The following CHD9 variants were observed in gnomAD, a reference collection of about 807,000 sequenced individuals.
CHD9 encodes ATP-dependent chromatin remodeler CHD9.
In CHD9, 77 loss-of-function variants were observed where a neutral mutation model predicts 316.1. That is an observed-to-expected ratio of 0.24 (90% CI 0.20 to 0.29). The LOEUF is 0.29. Ranked by LOEUF, CHD9 falls within the 10% of genes least tolerant of loss-of-function variation. The probability of loss-of-function intolerance (pLI) is 1.00; values close to 1 mark genes in which losing one functional copy is unlikely to be tolerated. For synonymous variants in CHD9, 1,129 were observed against 1,158.3 expected, an observed-to-expected ratio of 0.97 and a Z score of 0.51; for missense variants, 2,763 against 3,438.1, an observed-to-expected ratio of 0.80 and a Z score of 4.91.
intron 1 of CHD9, among the ~76,000 whole-genome samples, chr16:53,106,085 G>T (rs549557684): frequency 1.3e-4 from 20 of 152,258 alleles, no homozygotes; most frequent in African/African-American, 4.8e-4. Flanking sequence ...CTCCCAAAGT[G>T]CTGGGATTAC....
intron 31 of CHD9, 68 bp downstream of exon 31, chr16:53,304,693 CTTTTTTTT>C: frequency 2.6e-6 from 2 of 769,158 alleles, no homozygotes; most frequent in Non-Finnish European, 3.4e-6. Flanking sequence ...CTTTTCTTTT[CTTTTTTTT>C]TTTTTTTTTT....
intron 13 of CHD9, among the ~76,000 whole-genome samples, chr16:53,244,487 G>A (rs1024495864): frequency 2.0e-5 from 3 of 151,938 alleles, no homozygotes; most frequent in South Asian, 2.1e-4. Flanking sequence ...CACCGCGCCC[G>A]GCCTCAAAGC....
intron 2 of CHD9, among the ~76,000 whole-genome samples, chr16:53,194,486 A>G (rs1048448127): frequency 2.0e-5 from 3 of 152,154 alleles, no homozygotes; most frequent in African/African-American, 7.2e-5. Flanking sequence ...AGACAGGAGG[A>G]TCACTTGAGC....
At chr16:53,123,299 G>GC (rs1455604208) in intron 1 of CHD9, among the ~76,000 whole-genome samples, 1 of 147,758 alleles carries the variant, frequency 6.8e-6, no homozygotes, top group South Asian at 2.1e-4. Context: ...CTATTTTATT[G>GC]CCCCCCAGAA....
At chr16:53,283,011 C>T (rs1301191304) in intron 24 of CHD9, among the ~76,000 whole-genome samples, 3 of 152,152 alleles carry the variant, frequency 2.0e-5, no homozygotes, top group Admixed American at 6.5e-5. Flanking sequence ...CCATGTCTCT[C>T]TTCTGAACTT....
intron 1 of CHD9, among the ~76,000 whole-genome samples, chr16:53,082,214 T>G (rs996449909): frequency 4.0e-5 from 6 of 149,506 alleles, no homozygotes; most frequent in African/African-American, 9.9e-5. Context: ...ATTTATTTAT[T>G]TATTTATTTA....
At chr16:53,175,874 T>C (rs76032876) in intron 2 of CHD9, among the ~76,000 whole-genome samples, 1,896 of 152,222 alleles carry the variant, frequency 0.012, 38 homozygotes, top group African/African-American at 0.043. Flanking sequence ...ACATGAAGCA[T>C]AGGATGGTTA....
intron 24 of CHD9, among the ~76,000 whole-genome samples, chr16:53,275,116 C>T (rs1214182578): frequency 6.6e-6 from 1 of 152,180 alleles, no homozygotes; most frequent in Admixed American, 6.5e-5. Context: ...ACTGCAACCT[C>T]CATCTCCCAG....
chr16:53,293,962 G>T (rs2054573424), intron 29 of CHD9, among the ~76,000 whole-genome samples: 1 of 151,412 alleles, frequency 6.6e-6, no homozygotes, highest in Admixed American at 6.6e-5. Context: ...AAAAAAAAAA[G>T]AATTATCAGT....
intron 2 of CHD9, chr16:53,168,634 A>G (rs1464967163): frequency 6.6e-6 from 1 of 152,228 alleles, no homozygotes; most frequent in Non-Finnish European, 1.5e-5. Context: ...CCTATTGTGT[A>G]TTAGGTTGGT....
At chr16:53,201,102 C>T (rs2045416193) in intron 2 of CHD9, among the ~76,000 whole-genome samples, 1 of 152,108 alleles carries the variant, frequency 6.6e-6, no homozygotes, top group Non-Finnish European at 1.5e-5. Context: ...GCTCAAAAAC[C>T]CATGCCCTTA....
chr16:53,135,629 A>G (rs949498863), intron 1 of CHD9, among the ~76,000 whole-genome samples: 2 of 152,176 alleles, frequency 1.3e-5, no homozygotes, highest in Non-Finnish European at 2.9e-5. Flanking sequence ...GAAAGGAAAG[A>G]TTTGGCAAGA....
At chr16:53,265,902 A>G (rs2051619022) in intron 20 of CHD9, among the ~76,000 whole-genome samples, 2 of 152,106 alleles carry the variant, frequency 1.3e-5, no homozygotes, top group Non-Finnish European at 2.9e-5. Context: ...AAGTAGATCA[A>G]AATTGTATCA....
At chr16:53,112,772 G>T (rs1450581525) in intron 1 of CHD9, among the ~76,000 whole-genome samples, 1 of 152,194 alleles carries the variant, frequency 6.6e-6, no homozygotes, top group Non-Finnish European at 1.5e-5. Context: ...CCAGCACTTT[G>T]TGAGGCCAAG....
intron 1 of CHD9, among the ~76,000 whole-genome samples, chr16:53,068,106 C>A (rs1406985593): frequency 6.6e-6 from 1 of 152,120 alleles, no homozygotes; most frequent in Non-Finnish European, 1.5e-5. Context: ...ATTCCTACCC[C>A]ACTTCCATCA....
rs752617522 is a variant in CHD9, at chr16:53,238,475, C to T, written c.2766C>T (p.Asn922=). Residue 922 remains asparagine, a synonymous_variant, in exon 12 of 39, where the codon AAC becomes AAT. Transcript: ENST00000447540. Reference sequence around the variant, plus strand: ...TTGCTCCACTTTCTACTATTGCAAACTGGGAGAGAGAATTTCGTACGTGGA... The same window carrying T: ...TTGCTCCACTTTCTACTATTGCAAATTGGGAGAGAGAATTTCGTACGTGGA... ...LIIAPLSTIA[N]WEREFRTWTD... is the part of the protein sequence containing the mutation. 1.9e-5 allele frequency: 31 copies of T among 1,613,106 alleles called. No individual in the cohort carries two copies. In the Admixed American group the frequency reaches 5.2e-4, roughly 27 times the overall value.
chr16:53,267,787 T>C (rs2051840219), intron 21 of CHD9, 140 bp from the exon 22 acceptor site: 6 of 678,060 alleles, frequency 8.8e-6, no homozygotes, highest in Non-Finnish European at 1.5e-5. Context: ...ACCATTCCTC[T>C]ACATTCTATG....
chr16:53,068,186 T>C (rs1253172799), intron 1 of CHD9, among the ~76,000 whole-genome samples: 1 of 152,206 alleles, frequency 6.6e-6, no homozygotes, highest in African/African-American at 2.4e-5. Context: ...AGCTGAAATA[T>C]AGAGCTAATA....
intron 2 of CHD9, among the ~76,000 whole-genome samples, chr16:53,192,728 T>C (rs772929332): frequency 3.3e-5 from 5 of 152,228 alleles, no homozygotes; most frequent in Non-Finnish European, 7.3e-5. Flanking sequence ...GTTGTATGGA[T>C]GGAATCATGC....
Sources: allele counts gnomAD v4.1 joint callset (sites outside exome capture counted in the v4.1 genomes callset), GRCh38; gene constraint gnomAD v4.1.1; transcripts MANE v1.5; gene names NCBI Gene and HGNC (gene_info 2026-07-23, HGNC 2026-07-21).